The following DHX34 variants were observed in gnomAD, a reference collection of about 807,000 sequenced individuals.
DHX34 encodes the protein DExH-box helicase 34.
A neutral mutation model predicts 111.1 loss-of-function variants in DHX34; 96 were observed. The observed-to-expected ratio is 0.86, with a 90% CI of 0.73 to 1.02. The LOEUF is 1.02. Ranked by LOEUF, DHX34 falls within the 50% of genes least tolerant of loss-of-function variation. DHX34 has a pLI of 0.00. For missense variants in DHX34, 1,560 were observed against 1,579.9 expected, an observed-to-expected ratio of 0.99 and a Z score of 0.21; for synonymous variants, 688 against 670.4, an observed-to-expected ratio of 1.03 and a Z score of -0.41.
chr19:47,380,891 ACCC>A lies in DHX34; in HGVS notation c.3062_3064del (p.Pro1021del), dbSNP rs760422732. On this transcript the variant is annotated inframe_deletion, in exon 15 of 17. Transcript: ENST00000328771. ...TGTGGGACCCCAGACCATCCCAGCC[ACCC>A]CCCATCTTCCTGGCCTCTTTGGCAG... 6.3e-7 allele frequency: 1 copy of A among 1,577,350 alleles called. No individual in the cohort carries two copies. The highest frequency in any genetic ancestry group is 8.6e-7 in the Non-Finnish European group (1 of 1,160,256).
In DHX34 at chr19:47,353,300, C is replaced by T. The variant is rs924707941; in HGVS notation, c.270C>T (p.Ile90=). 6 of 1,614,054 alleles carry T rather than the reference C, an allele frequency of 3.7e-6. No individual in the cohort carries two copies. Among genetic ancestry groups the T allele is most frequent in the Admixed American group, 1.7e-5 (1 of 59,990 alleles). ...EKDPGQPKHS[I]PALADLPRTY... ...ACCCTGGACAGCCCAAGCACAGCAT[C>T]CCAGCGCTGGCCGACCTACCTCGCA... Residue 90 remains isoleucine (I), a synonymous_variant, in exon 2 of 17, where the codon ATC becomes ATT. Transcript: ENST00000328771. The surrounding 1 kb of genome is among the most constrained non-coding windows in gnomAD (Gnocchi z 4.6).
intron 1 of DHX34, among the ~76,000 whole-genome samples, chr19:47,351,191 T>C (rs1203974271): frequency 1.5e-5 from 2 of 130,994 alleles, no homozygotes; most frequent in Non-Finnish European, 3.2e-5. Flanking sequence ...TTTTTTTTTT[T>C]TTTTTGAGAC....
chr19:47,355,338 G>A lies in DHX34; in HGVS notation c.1005G>A (p.Leu335=). The change falls in exon 3 of 17, where the codon CTG becomes CTA. Residue 335 remains leucine (L), a synonymous_variant. Transcript: ENST00000328771. ...CTGTGGTACAGGTGCCTGGGAGGCT[G>A]TTCCCCATCACGGTGAGTACTTCCC... ...NAPVVQVPGR[L]FPITVVYQPQ... is the part of the protein sequence containing the mutation. The A allele has an allele frequency of 6.2e-7, 1 of 1,612,952 alleles. No homozygotes were observed.
intron 7 of DHX34, among the ~76,000 whole-genome samples, chr19:47,367,895 C>CAAAA (rs1226350533): frequency 4.3e-5 from 2 of 46,116 alleles, no homozygotes; most frequent in African/African-American, 8.3e-5. Flanking sequence ...GACTCCATCT[C>CAAAA]AAAAAAAAAA....
chr19:47,382,096 C>T lies in DHX34; in HGVS notation c.3415C>T (p.Arg1139Trp), dbSNP rs773750465. 1.7e-5 allele frequency: 27 copies of T among 1,613,938 alleles called. 1 individual carries two copies. The highest frequency in any genetic ancestry group is 1.4e-4 in the South Asian group (13 of 91,090). The change falls in exon 17 of 17, where the codon CGG (arginine) becomes TGG (tryptophan). Residue 1139 changes from arginine (R) to tryptophan (W), a missense_variant. By Grantham distance (101) the Arg-to-Trp change is moderately radical. Coordinates refer to ENST00000328771, the MANE Select transcript of DHX34 (RefSeq NM_014681.6). ...TACACCCACAGAGGTGCTGCGCCACCGGAAGCAGCACGTGTGAGCTGGGCC... is the reference window on the plus strand; with the variant it reads ...TACACCCACAGAGGTGCTGCGCCACTGGAAGCAGCACGTGTGAGCTGGGCC... Reference protein sequence around the residue: ...LFTPTEVLRHRKQHV With the variant: ...LFTPTEVLRHWKQHV
chr19:47,364,869 G>A (rs1487191386), intron 6 of DHX34, among the ~76,000 whole-genome samples: 1 of 152,192 alleles, frequency 6.6e-6, no homozygotes, highest in Non-Finnish European at 1.5e-5. Context: ...TCCATCCGAG[G>A]CCACCAGGCG....
chr19:47,365,530 G>A (rs1203477327), intron 6 of DHX34, among the ~76,000 whole-genome samples: 2 of 152,178 alleles, frequency 1.3e-5, no homozygotes, highest in Non-Finnish European at 2.9e-5. Flanking sequence ...GGGATTACAG[G>A]CATGAGCCAC....
At position 47,354,255 on chromosome 19, in the gene DHX34, G is replaced by A. The variant is rs929982315; in HGVS notation, c.705+520G>A. Among the ~76,000 whole-genome samples, 11 of 152,124 alleles carry A rather than the reference G, an allele frequency of 7.2e-5. No homozygotes were observed. The East Asian group carries it at 1.2e-3, about 16-fold the overall frequency. On this transcript the variant is annotated intron_variant, in intron 2 of 16. Coordinates refer to ENST00000328771, the MANE Select transcript of DHX34 (RefSeq NM_014681.6). ...TGGGATTACAGGTGTGAGCCACCAC[G>A]TTGGGCTGCGAGGGTAATTCTTGAC...
intron 16 of DHX34, 31 bp downstream of exon 16, chr19:47,381,355 C>CTCTGCCCAGCCG (rs1239470562): frequency 3.8e-6 from 6 of 1,596,914 alleles, no homozygotes; most frequent in Non-Finnish European, 5.1e-6. Flanking sequence ...ACCCGGCCAC[C>CTCTGCCCAGCCG]TCTGCCCAGC....
Position 47,355,346 on chromosome 19 carries a change from T to A in DHX34, c.1013T>A (p.Ile338Asn), listed in dbSNP as rs542850010. ...CAGGTGCCTGGGAGGCTGTTCCCCA[T>A]CACGGTGAGTACTTCCCCCTCCTCC... ...VVQVPGRLFP[I>N]TVVYQPQEAE... The change falls in exon 3 of 17, where the codon ATC (isoleucine) becomes AAC (asparagine). Residue 338 changes from isoleucine (I) to asparagine (N), a missense_variant. Ile to Asn is a moderately radical substitution (Grantham distance 149, BLOSUM62 -3). Coordinates refer to ENST00000328771, the MANE Select transcript of DHX34 (RefSeq NM_014681.6). The A allele has an allele frequency of 6.2e-7, 1 of 1,612,258 alleles. No homozygotes were observed. The highest frequency in any genetic ancestry group is 1.1e-5 in the South Asian group (1 of 91,030).
At chr19:47,375,027 C>T (rs938245166) in intron 9 of DHX34, among the ~76,000 whole-genome samples, 3 of 152,148 alleles carry the variant, frequency 2.0e-5, no homozygotes, top group African/African-American at 4.8e-5. Context: ...TGGCCAACCC[C>T]GCCGAGCCCC....
chr19:47,382,019 C>A lies in DHX34; in HGVS notation c.3338C>A (p.Ser1113Tyr). The change falls in exon 17 of 17, where the codon TCT (serine) becomes TAT (tyrosine). Residue 1113 changes from serine (S) to tyrosine (Y), a missense_variant. Ser to Tyr is a moderately radical substitution (Grantham distance 144, BLOSUM62 -2). Coordinates refer to ENST00000328771, the MANE Select transcript of DHX34 (RefSeq NM_014681.6). ...EAALETLQKT[S>Y]VLQRPYHCEA... ...GCCCTCGAAACCCTCCAGAAGACATCTGTCCTGCAGAGGCCCTACCACTGC... is the reference window on the plus strand; with the variant it reads ...GCCCTCGAAACCCTCCAGAAGACATATGTCCTGCAGAGGCCCTACCACTGC... The A allele has an allele frequency of 6.2e-7, 1 of 1,614,136 alleles. No individual in the cohort carries two copies. Among genetic ancestry groups the A allele is most frequent in the Non-Finnish European group, 8.5e-7 (1 of 1,180,002 alleles).
At position 47,380,897 on chromosome 19, in the gene DHX34, C is replaced by T; in HGVS notation, c.3064C>T (p.His1022Tyr). 6.2e-7 allele frequency: 1 copy of T among 1,613,820 alleles called. No individual in the cohort carries two copies. The highest frequency in any genetic ancestry group is 8.5e-7 in the Non-Finnish European group (1 of 1,179,846). The change falls in exon 15 of 17, where the codon CAT (histidine) becomes TAT (tyrosine). Residue 1022 changes from histidine to tyrosine, a missense_variant. By Grantham distance (83) the His-to-Tyr change is moderately conservative. Transcript: ENST00000328771. The stretch of plus-strand genomic sequence containing the variant: ...ACCCCAGACCATCCCAGCCACCCCC[C>T]ATCTTCCTGGCCTCTTTGGCAGCTC... Reference protein sequence around the residue: ...VGPQTIPATPHLPGLFGSSTL... With the variant: ...VGPQTIPATPYLPGLFGSSTL...
chr19:47,366,017 T>C (rs1347478989), intron 6 of DHX34, among the ~76,000 whole-genome samples: 1 of 152,178 alleles, frequency 6.6e-6, no homozygotes, highest in Non-Finnish European at 1.5e-5. Context: ...GGTGGGCCCA[T>C]TTCCAAAAAA....
At position 47,375,978 on chromosome 19, in the gene DHX34, T is replaced by C; in HGVS notation, c.2362T>C (p.Ser788Pro). ...GGCGCAGCTGCAGGCCGCTGCCAGCTCAGCCCAGGACCTGAGCCGCGAGCA... is the reference window on the plus strand; with the variant it reads ...GGCGCAGCTGCAGGCCGCTGCCAGCCCAGCCCAGGACCTGAGCCGCGAGCA... ...DLAQLQAAAS[S>P]AQDLSREQLA... The change falls in exon 11 of 17, where the codon TCA becomes CCA. Residue 788 changes from serine (S) to proline (P), a missense_variant. By Grantham distance (74) the Ser-to-Pro change is moderately conservative (BLOSUM62 -1). Coordinates refer to ENST00000328771, the MANE Select transcript of DHX34 (RefSeq NM_014681.6). 3.7e-6 allele frequency: 6 copies of C among 1,604,646 alleles called. No individual in the cohort carries two copies. Among genetic ancestry groups the C allele is most frequent in the Non-Finnish European group, 5.1e-6 (6 of 1,177,996 alleles).
At position 47,360,080 on chromosome 19, in the gene DHX34, A is replaced by G. The variant is rs758370512; in HGVS notation, c.1375+10A>G. 2 of 1,613,564 alleles carry G rather than the reference A, an allele frequency of 1.2e-6. No homozygotes were observed. Among genetic ancestry groups the G allele is most frequent in the East Asian group, 4.5e-5 (2 of 44,886 alleles). On this transcript the variant is annotated intron_variant, in intron 5 of 16. Coordinates refer to ENST00000328771, the MANE Select transcript of DHX34 (RefSeq NM_014681.6). ...TTCGTAGTAGATTCCGGTAAGGACC[A>G]CCATGAGCCCCTACCCACCACCCCC...
At chr19:47,358,215 C>T (rs948380034) in intron 4 of DHX34, 95 bp downstream of exon 4, 13 of 1,490,940 alleles carry the variant, frequency 8.7e-6, no homozygotes, top group Admixed American at 2.2e-5. Context: ...ACACAGGGCT[C>T]GGGGGCTGTA....
At chr19:47,380,739 G>A (rs1970325092) in intron 14 of DHX34, 77 bp from the exon 15 acceptor site, 1 of 1,588,270 alleles carries the variant, frequency 6.3e-7, no homozygotes. Flanking sequence ...GAGGGCTTCA[G>A]GCACAGCTGG....
intron 2 of DHX34, 114 bp from the exon 3 acceptor site, chr19:47,354,925 A>G: frequency 6.6e-7 from 1 of 1,521,602 alleles, no homozygotes; most frequent in Non-Finnish European, 8.8e-7. Flanking sequence ...AAGTGCTGGG[A>G]TTACAGGCGT....
Sources: gnomAD v4.1 joint callset for allele counts (sites outside exome capture counted in the v4.1 genomes callset) on GRCh38, gnomAD v4.1.1 for gene constraint, Gnocchi (gnomAD v3.1) non-coding constraint, MANE v1.5 for transcripts, NCBI Gene and HGNC (gene_info 2026-07-23, HGNC 2026-07-21) for gene names.